PIBF1: variants seen among roughly 807,000 people sequenced by gnomAD.
The protein encoded by PIBF1 is progesterone immunomodulatory binding factor 1.
Under a neutral mutation model 112.5 loss-of-function variants are expected in PIBF1, and 90 were observed. The ratio of observed to expected loss-of-function variants is 0.80; its 90% confidence interval spans 0.67 to 0.95. The LOEUF is 0.95. PIBF1 is among the 40% of genes least tolerant of loss of function. The pLI is 0.00. For missense variants in PIBF1, 915 were observed against 852.3 expected, an observed-to-expected ratio of 1.07 and a Z score of -0.92; for synonymous variants, 301 against 288.6, an observed-to-expected ratio of 1.04 and a Z score of -0.44.
intron 14 of PIBF1, among the ~76,000 whole-genome samples, chr13:72,941,180 A>G (rs1398641177): frequency 6.6e-6 from 1 of 152,204 alleles, no homozygotes; most frequent in Non-Finnish European, 1.5e-5. Context: ...CCTTCATTGC[A>G]TGATGTCCAA....
intron 10 of PIBF1, among the ~76,000 whole-genome samples, chr13:72,863,943 T>C (rs544771099): frequency 1.1e-4 from 17 of 152,310 alleles, no homozygotes; most frequent in Admixed American, 1.1e-3. Context: ...TTTAAAAACA[T>C]GGTTTAGGGG....
intron 9 of PIBF1, among the ~76,000 whole-genome samples, chr13:72,838,111 T>C (rs1461086518): frequency 6.6e-6 from 1 of 152,236 alleles, no homozygotes; most frequent in Non-Finnish European, 1.5e-5. Flanking sequence ...GTTTTACATT[T>C]GCACCCTCAT....
intron 14 of PIBF1, among the ~76,000 whole-genome samples, chr13:72,931,901 A>G (rs1280228738): frequency 6.7e-6 from 1 of 149,042 alleles, no homozygotes; most frequent in Non-Finnish European, 1.5e-5. Context: ...CTGAGTGTCA[A>G]CATAAGAAGT....
chr13:72,887,740 G>T (rs921243970), intron 10 of PIBF1, among the ~76,000 whole-genome samples: 1 of 151,862 alleles, frequency 6.6e-6, no homozygotes, highest in African/African-American at 2.4e-5. Context: ...TCTTTTCCCA[G>T]ATATCTTTAC....
chr13:72,973,919 A>C, intron 16 of PIBF1: 1 of 462,828 alleles, frequency 2.2e-6, no homozygotes. Context: ...ATTATTTAAT[A>C]ATAATCTGTT....
At chr13:72,995,357 G>A (rs902663005) in intron 16 of PIBF1, among the ~76,000 whole-genome samples, 6 of 151,140 alleles carry the variant, frequency 4.0e-5, no homozygotes, top group Non-Finnish European at 8.8e-5. Flanking sequence ...ATGATCCCAC[G>A]CCTATCTCCA....
At chr13:72,977,570 G>A (rs2043055724) in intron 16 of PIBF1, among the ~76,000 whole-genome samples, 1 of 152,194 alleles carries the variant, frequency 6.6e-6, no homozygotes, top group Non-Finnish European at 1.5e-5. Flanking sequence ...TTCATGTAAT[G>A]TGAAGTAAGA....
chr13:72,929,432 A>C (rs751554305), intron 13 of PIBF1, among the ~76,000 whole-genome samples: 4 of 152,160 alleles, frequency 2.6e-5, no homozygotes, highest in Non-Finnish European at 4.4e-5. Flanking sequence ...AGAGAGAAAG[A>C]TTAATGGTTC....
intron 14 of PIBF1, among the ~76,000 whole-genome samples, chr13:72,957,070 T>C (rs1230533172): frequency 2.6e-5 from 4 of 152,198 alleles, no homozygotes; most frequent in African/African-American, 9.6e-5. Context: ...CTGGTGAGAA[T>C]GTAAACTAGT....
intron 11 of PIBF1, among the ~76,000 whole-genome samples, chr13:72,900,486 A>C (rs1411604915): frequency 6.6e-6 from 1 of 152,188 alleles, no homozygotes; most frequent in East Asian, 1.9e-4. Context: ...AAGCAAACAA[A>C]AACAAAGTGG....
intron 6 of PIBF1, among the ~76,000 whole-genome samples, chr13:72,823,616 A>G (rs764675312): frequency 2.3e-4 from 35 of 152,342 alleles, no homozygotes; most frequent in Admixed American, 1.1e-3. Flanking sequence ...AAACAGGTGT[A>G]TGGATGTTAA....
intron 13 of PIBF1, among the ~76,000 whole-genome samples, chr13:72,919,680 A>T (rs1287258393): frequency 2.0e-5 from 3 of 152,080 alleles, no homozygotes; most frequent in African/African-American, 7.2e-5. Flanking sequence ...TTACAAGAAA[A>T]AATAGGGCTG....
intron 10 of PIBF1, chr13:72,884,423 C>A (rs751215226): frequency 6.6e-6 from 1 of 152,068 alleles, no homozygotes; most frequent in African/African-American, 2.4e-5. Context: ...AATAAAAGCA[C>A]CAAATTTCAG....
Position 73,015,914 on chromosome 13 carries a change from A to T in PIBF1, c.2269A>T (p.Thr757Ser). 6.3e-7 allele frequency: 1 copy of T among 1,586,662 alleles called. No homozygotes were observed. The highest frequency in any genetic ancestry group is 8.6e-7 in the Non-Finnish European group (1 of 1,164,828). ...GTGGTCTAAGAAACAAAAGATGAAG[A>T]CCTAGTGTTTTGGATGGGAAGCACC... ...PEWSKKQKMK[T>S] The change falls in exon 18 of 18, where the codon ACC (threonine) becomes TCC (serine). Residue 757 changes from threonine to serine, a missense_variant. Thr to Ser is a moderately conservative substitution (Grantham distance 58). Transcript: ENST00000326291.
chr13:72,822,051 T>A, intron 6 of PIBF1, 69 bp downstream of exon 6: 1 of 1,373,354 alleles, frequency 7.3e-7, no homozygotes, highest in Non-Finnish European at 9.9e-7. Context: ...CCTGAGTTTT[T>A]ACCAACAATC....
At chr13:72,828,045 CTTATTTTATTTTATT>C (rs71099757) in intron 8 of PIBF1, 131 bp downstream of exon 8, 1 of 341,226 alleles carries the variant, frequency 2.9e-6, no homozygotes. Context: ...AAGATAATAC[CTTATTTTATTTTATT>C]TTATTTTATT....
At chr13:72,889,517 A>C (rs1205782740) in intron 10 of PIBF1, among the ~76,000 whole-genome samples, 1 of 152,206 alleles carries the variant, frequency 6.6e-6, no homozygotes, top group African/African-American at 2.4e-5. Flanking sequence ...ATAAAGTTGA[A>C]AATATCTTTC....
At chr13:73,001,299 TTGA>T (rs1193556897) in intron 17 of PIBF1, among the ~76,000 whole-genome samples, 12 of 152,222 alleles carry the variant, frequency 7.9e-5, no homozygotes, top group African/African-American at 2.9e-4. Flanking sequence ...TCTGAACTTG[TTGA>T]TAAGGAATTT....
chr13:72,896,563 G>A (rs565626096), intron 11 of PIBF1, among the ~76,000 whole-genome samples: 1 of 152,152 alleles, frequency 6.6e-6, no homozygotes, highest in East Asian at 1.9e-4. Context: ...GGTACAAGAA[G>A]TGAAGGGAGA....
Sources: allele counts gnomAD v4.1 joint callset (sites outside exome capture counted in the v4.1 genomes callset), GRCh38; gene constraint gnomAD v4.1.1; transcripts MANE v1.5; gene names NCBI Gene and HGNC (gene_info 2026-07-23, HGNC 2026-07-21).